Variants in CNTN4 observed in about 807,000 individuals in gnomAD.
CNTN4 encodes contactin-4.
Under a neutral mutation model 122.5 loss-of-function variants are expected in CNTN4, and 77 were observed. That is an observed-to-expected ratio of 0.63 (90% CI 0.52 to 0.76). The LOEUF is 0.76. Ranked by LOEUF, CNTN4 falls within the 30% of genes least tolerant of loss-of-function variation. The pLI is 0.00. For missense variants in CNTN4, 1,256 were observed against 1,259.1 expected (o/e 1.00, Z 0.04); for synonymous variants, 512 against 447.0 (o/e 1.15, Z -1.83).
chr3:2,679,678 A>G (rs2085064483), intron 4 of CNTN4, among the ~76,000 whole-genome samples: 1 of 152,174 alleles, frequency 6.6e-6, no homozygotes, highest in South Asian at 2.1e-4. Flanking sequence ...GCCAGATTAG[A>G]AAAAGGATGC....
chr3:2,559,873 T>C (rs1182349688), intron 3 of CNTN4, among the ~76,000 whole-genome samples: 1 of 152,178 alleles, frequency 6.6e-6, no homozygotes, highest in South Asian at 2.1e-4. Flanking sequence ...TGAAGAAGAA[T>C]GCAAGCTCCA....
chr3:2,675,843 C>G (rs2084817060), intron 4 of CNTN4, among the ~76,000 whole-genome samples: 1 of 152,192 alleles, frequency 6.6e-6, no homozygotes, highest in East Asian at 1.9e-4. Flanking sequence ...CCTAATATGT[C>G]TGTTATCTCA....
chr3:2,618,474 T>TA (rs951932355), intron 4 of CNTN4, among the ~76,000 whole-genome samples: 1 of 152,166 alleles, frequency 6.6e-6, no homozygotes, highest in African/African-American at 2.4e-5. Context: ...AAGATTGTTG[T>TA]AAAAAGTAAA....
intron 2 of CNTN4, among the ~76,000 whole-genome samples, chr3:2,200,823 T>C (rs1191647644): frequency 6.6e-6 from 1 of 152,184 alleles, no homozygotes; most frequent in Non-Finnish European, 1.5e-5. Flanking sequence ...CTTTGGGCCA[T>C]AGCCCCCTTA....
At chr3:2,511,087 A>G (rs1051443929) in intron 3 of CNTN4, among the ~76,000 whole-genome samples, 2 of 152,150 alleles carry the variant, frequency 1.3e-5, no homozygotes, top group African/African-American at 4.8e-5. Flanking sequence ...TCCGTAGAAG[A>G]GATGATGCTG....
chr3:2,715,966 T>C (rs2087471453), intron 4 of CNTN4, among the ~76,000 whole-genome samples: 1 of 152,158 alleles, frequency 6.6e-6, no homozygotes, highest in Middle Eastern at 3.2e-3. Context: ...TAATTTTATT[T>C]GTTTATTTCT....
intron 6 of CNTN4, among the ~76,000 whole-genome samples, chr3:2,782,407 T>G (rs2091632017): frequency 6.6e-6 from 1 of 151,710 alleles, no homozygotes; most frequent in Non-Finnish European, 1.5e-5. Context: ...AGCTTCCTAG[T>G]GGCGATGAAG....
intron 3 of CNTN4, among the ~76,000 whole-genome samples, chr3:2,455,278 T>C (rs574896372): frequency 6.6e-6 from 1 of 152,276 alleles, no homozygotes; most frequent in African/African-American, 2.4e-5. Flanking sequence ...ATAATAACCA[T>C]TATTCTTCAT....
intron 7 of CNTN4, among the ~76,000 whole-genome samples, chr3:2,833,392 T>C (rs2093144978): frequency 6.6e-6 from 1 of 152,228 alleles, no homozygotes; most frequent in Non-Finnish European, 1.5e-5. Context: ...AAAATGAAAG[T>C]ATAATAATCA....
chr3:3,026,276 G>C lies in CNTN4; in HGVS notation c.1661G>C (p.Gly554Ala). The change falls in exon 15 of 25, where the codon GGG becomes GCG. Residue 554 changes from glycine to alanine, a missense_variant and splice_region_variant. Physicochemically the swap from Gly to Ala is moderately conservative, Grantham distance 60. Coordinates refer to ENST00000418658, the MANE Select transcript of CNTN4 (RefSeq NM_175607.3). ...GGGGACCACTTTGAAAGAGTTGGAGGGGTAAGTATTAATAGCAAAAACTGA... is the reference window on the plus strand; with the variant it reads ...GGGGACCACTTTGAAAGAGTTGGAGCGGTAAGTATTAATAGCAAAAACTGA... Reference protein sequence around the residue: ...RDGDHFERVGGQDSAGDLMIR... With the variant: ...RDGDHFERVGAQDSAGDLMIR... 2 of 1,612,836 alleles carry C rather than the reference G, an allele frequency of 1.2e-6. No individual in the cohort carries two copies. The highest frequency in any genetic ancestry group is 3.3e-4 in the Middle Eastern group (2 of 6,052).
rs3935239 is a variant in CNTN4, at chr3:2,110,815, C to G, written c.-145+10176C>G. Among the ~76,000 whole-genome samples the G allele has an allele frequency of 1.1e-4, 16 of 152,148 alleles. No homozygotes were observed. In the South Asian group the frequency reaches 3.3e-3, roughly 32 times the overall value. ...TGTTCTCAGCTTTACCTCTCTACTT[C>G]CTGGCTGAGGTACTGAGAGTAAGAT... On this transcript the variant is annotated intron_variant, in intron 2 of 24. Transcript: ENST00000418658.
intron 4 of CNTN4, among the ~76,000 whole-genome samples, chr3:2,580,611 CTT>C (rs1482186716): frequency 2.0e-5 from 3 of 152,154 alleles, no homozygotes; most frequent in African/African-American, 7.2e-5. Flanking sequence ...AATGAAGAAA[CTT>C]TGTTGGATGA....
intron 3 of CNTN4, among the ~76,000 whole-genome samples, chr3:2,461,824 C>G (rs1262570298): frequency 6.6e-6 from 1 of 152,178 alleles, no homozygotes; most frequent in Non-Finnish European, 1.5e-5. Context: ...CACTTAGAGG[C>G]AAACTGATGC....
intron 4 of CNTN4, among the ~76,000 whole-genome samples, chr3:2,581,647 T>G (rs574523387): frequency 6.6e-6 from 1 of 152,318 alleles, no homozygotes; most frequent in African/African-American, 2.4e-5. Context: ...CTTGTAAAGT[T>G]TTTCCAGAGA....
chr3:2,371,042 A>C (rs2045613266), intron 3 of CNTN4, among the ~76,000 whole-genome samples: 1 of 152,176 alleles, frequency 6.6e-6, no homozygotes, highest in South Asian at 2.1e-4. Flanking sequence ...GAAGGTCTTT[A>C]CTTGTTTTGG....
intron 3 of CNTN4, among the ~76,000 whole-genome samples, chr3:2,541,609 A>G (rs1250520697): frequency 1.3e-5 from 2 of 152,064 alleles, no homozygotes; most frequent in African/African-American, 4.8e-5. Context: ...TCATTTTCTC[A>G]GGATATCTGA....
rs2083942857 is a variant in CNTN4, at chr3:2,662,454, TAAAAG to T, written c.56-73760_56-73756del. Among the ~76,000 whole-genome samples the T allele has an allele frequency of 2.0e-5, 3 of 152,242 alleles. 1 individual carries two copies. The South Asian group carries it at 6.2e-4, about 32-fold the overall frequency. The stretch of plus-strand genomic sequence containing the variant: ...CTGCTAAACAGGAAAAGAGAAAAGT[TAAAAG>T]GAACACTGTGCAAGATGCTTTTATG... On this transcript the variant is annotated intron_variant, in intron 4 of 24. Coordinates refer to ENST00000418658, the MANE Select transcript of CNTN4 (RefSeq NM_175607.3).
chr3:2,344,233 G>A (rs1008079577), intron 3 of CNTN4, among the ~76,000 whole-genome samples: 1 of 151,554 alleles, frequency 6.6e-6, no homozygotes, highest in Non-Finnish European at 1.5e-5. Flanking sequence ...CTGCCTTCCT[G>A]AGAGTCCTGT....
chr3:2,745,922 G>A (rs541347766), intron 6 of CNTN4, among the ~76,000 whole-genome samples: 3 of 152,236 alleles, frequency 2.0e-5, no homozygotes, highest in Non-Finnish European at 4.4e-5. Flanking sequence ...ATAGTTGATT[G>A]TATGATAATT....
Sources: allele counts gnomAD v4.1 joint callset (sites outside exome capture counted in the v4.1 genomes callset), GRCh38; gene constraint gnomAD v4.1.1; transcripts MANE v1.5; gene names NCBI Gene and HGNC (gene_info 2026-07-23, HGNC 2026-07-21).